Variants in NOX4 observed in about 807,000 individuals in gnomAD.
NOX4 encodes the protein NADPH oxidase 4, also known as kidney oxidase-1.
Under a neutral mutation model 87.6 loss-of-function variants are expected in NOX4, and 69 were observed. The observed-to-expected ratio is 0.79, with a 90% confidence interval of 0.65 to 0.96. The LOEUF is 0.96. NOX4 is among the 40% of genes least tolerant of loss of function. The pLI, the probability that NOX4 is intolerant of heterozygous loss-of-function variation, is 0.00. For synonymous variants in NOX4, 275 were observed against 238.2 expected (o/e 1.15, Z -1.42); for missense variants, 680 against 681.5 (o/e 1.00, Z 0.02).
At chr11:89,425,501 C>T (rs186880697) in intron 7 of NOX4, among the ~76,000 whole-genome samples, 191 of 151,058 alleles carry the variant, frequency 1.3e-3, no homozygotes, top group South Asian at 9.2e-3. Context: ...TTGCGATGTG[C>T]TGTGCCATCA....
intron 8 of NOX4, among the ~76,000 whole-genome samples, chr11:89,404,728 C>T (rs952943636): frequency 4.6e-5 from 7 of 152,228 alleles, no homozygotes; most frequent in African/African-American, 1.7e-4. Context: ...CTCTTCACCT[C>T]TCATGATATA....
At chr11:89,475,393 T>C (rs574767172) in intron 2 of NOX4, among the ~76,000 whole-genome samples, 29 of 152,218 alleles carry the variant, frequency 1.9e-4, no homozygotes, top group Admixed American at 1.6e-3. Context: ...AATAATATTG[T>C]CTTCAAATAT....
At chr11:89,382,133 C>A (rs1940332597) in intron 11 of NOX4, among the ~76,000 whole-genome samples, 1 of 152,056 alleles carries the variant, frequency 6.6e-6, no homozygotes, top group Non-Finnish European at 1.5e-5. Flanking sequence ...GCAAGTACCA[C>A]TTTCCTGAGG....
intron 2 of NOX4, among the ~76,000 whole-genome samples, chr11:89,486,654 G>A (rs887222847): frequency 3.4e-5 from 4 of 119,240 alleles, no homozygotes; most frequent in Non-Finnish European, 5.1e-5. Flanking sequence ...GTGTATATAT[G>A]TGTATATATA....
chr11:89,400,138 A>G, intron 10 of NOX4, 59 bp from the exon 11 acceptor site: 4 of 1,579,398 alleles, frequency 2.5e-6, no homozygotes, highest in Admixed American at 1.7e-5. Flanking sequence ...AACTATTTCA[A>G]TGATGCTATG....
the NOX4 span, among the ~76,000 whole-genome samples, chr11:89,558,319 G>A: frequency 6.6e-6 from 1 of 152,106 alleles, no homozygotes; most frequent in African/African-American, 2.4e-5. Flanking sequence ...ACCAACTGCA[G>A]AAAGATTAAT....
intron 4 of NOX4, among the ~76,000 whole-genome samples, chr11:89,445,506 A>T (rs1191149971): frequency 6.6e-6 from 1 of 152,166 alleles, no homozygotes; most frequent in Non-Finnish European, 1.5e-5. Context: ...GTATGGTATT[A>T]GCAAAAGAAA....
At chr11:89,395,770 C>T (rs898309876) in intron 11 of NOX4, among the ~76,000 whole-genome samples, 8 of 152,150 alleles carry the variant, frequency 5.3e-5, no homozygotes, top group African/African-American at 1.9e-4. Flanking sequence ...AATCCTTTCC[C>T]CATTGCTTGT....
At chr11:89,546,268 A>T in the NOX4 span, among the ~76,000 whole-genome samples, 11 of 152,258 alleles carry the variant, frequency 7.2e-5, no homozygotes, top group East Asian at 5.8e-4. Flanking sequence ...GATAGTAATT[A>T]AAAAAAGACA....
At chr11:89,507,642 C>T in the NOX4 span, among the ~76,000 whole-genome samples, 10 of 151,756 alleles carry the variant, frequency 6.6e-5, no homozygotes, top group Middle Eastern at 3.4e-3. Context: ...GTATCCAAAA[C>T]GAATGTGGTT....
At chr11:89,448,329 C>G (rs1262390669) in intron 4 of NOX4, among the ~76,000 whole-genome samples, 1 of 152,060 alleles carries the variant, frequency 6.6e-6, no homozygotes. Context: ...GAATCCATGT[C>G]CTTCATCACT....
At chr11:89,464,027 A>G (rs1306265012) in intron 2 of NOX4, among the ~76,000 whole-genome samples, 1 of 152,074 alleles carries the variant, frequency 6.6e-6, no homozygotes. Context: ...TTTAAAATAT[A>G]TCACCTAAAA....
intron 2 of NOX4, among the ~76,000 whole-genome samples, chr11:89,458,200 A>T (rs553018669): frequency 6.6e-6 from 1 of 152,282 alleles, no homozygotes; most frequent in African/African-American, 2.4e-5. Flanking sequence ...TGCTAGGAAA[A>T]CTGGCTAGCC....
At chr11:89,472,313 T>G (rs961704574) in intron 2 of NOX4, among the ~76,000 whole-genome samples, 63 of 152,258 alleles carry the variant, frequency 4.1e-4, no homozygotes, top group African/African-American at 1.4e-3. Flanking sequence ...GACTTTTAAC[T>G]ATGATGTAAT....
chr11:89,462,128 A>C (rs1945497456), intron 2 of NOX4, among the ~76,000 whole-genome samples: 1 of 151,906 alleles, frequency 6.6e-6, no homozygotes, highest in Admixed American at 6.5e-5. Context: ...TATTTTATAA[A>C]AGTAATAAAA....
At chr11:89,572,252 T>G in the NOX4 span, among the ~76,000 whole-genome samples, 1 of 152,228 alleles carries the variant, frequency 6.6e-6, no homozygotes, top group African/African-American at 2.4e-5. Flanking sequence ...CTCAAATACC[T>G]TTTGGTTTAC....
chr11:89,537,529 T>A, the NOX4 span, among the ~76,000 whole-genome samples: 21 of 152,142 alleles, frequency 1.4e-4, no homozygotes, highest in African/African-American at 5.1e-4. Flanking sequence ...ACAGACATAT[T>A]TCATTTGTTC....
In NOX4 at chr11:89,324,874, A is replaced by G. The variant is rs934478734; in HGVS notation, c.*1882T>C. 3 of 152,186 alleles carry G rather than the reference A, an allele frequency of 2.0e-5. No homozygotes were observed. Among genetic ancestry groups the G allele is most frequent in the Non-Finnish European group, 4.4e-5 (3 of 68,028 alleles). The allele number at this position is 152,186 out of a possible 1,614,324, so 9.4% of individuals were successfully genotyped here. A position where few individuals can be genotyped will look rare whatever the true frequency, so the allele number is the denominator to read the frequency against. ...GGTTCATCTTCTTTCCATAGAAAGG[A>G]GAATTTCAAGGAAAGGAAGAAATAT... On this transcript the variant is annotated 3_prime_UTR_variant, in exon 18 of 18. Coordinates refer to ENST00000263317, the MANE Select transcript of NOX4 (RefSeq NM_016931.5).
chr11:89,357,205 T>C (rs1397217460), intron 12 of NOX4, among the ~76,000 whole-genome samples: 1 of 140,934 alleles, frequency 7.1e-6, no homozygotes, highest in Non-Finnish European at 1.5e-5. Flanking sequence ...GATACATAAC[T>C]GGCTTCTACT....
Sources: gnomAD v4.1 joint callset for allele counts (sites outside exome capture counted in the v4.1 genomes callset) on GRCh38, gnomAD v4.1.1 for gene constraint, MANE v1.5 for transcripts, NCBI Gene and HGNC (gene_info 2026-07-23, HGNC 2026-07-21) for gene names.